RANBP2: variants seen among roughly 807,000 people sequenced by gnomAD.
RANBP2 encodes RAN binding protein 2, also known as E3 SUMO-protein ligase RanBP2.
Under a neutral mutation model 303.6 loss-of-function variants are expected in RANBP2, and 57 were observed. The ratio of observed to expected loss-of-function variants is 0.19; its 90% CI spans 0.15 to 0.23. RANBP2 has a LOEUF of 0.23. RANBP2 is among the 10% of genes least tolerant of loss of function. The pLI is 1.00. For synonymous variants in RANBP2, 1,167 were observed against 1,301.5 expected, an observed-to-expected ratio of 0.90 and a Z score of 2.23; for missense variants, 3,138 against 3,780.8, an observed-to-expected ratio of 0.83 and a Z score of 4.46.
chr2:109,140,144 C>T, the RANBP2 span, among the ~76,000 whole-genome samples: 2 of 152,162 alleles, frequency 1.3e-5, no homozygotes, highest in Admixed American at 1.3e-4. Context: ...CCTGCACCAT[C>T]ACTGTCACTT....
intron 25 of RANBP2, among the ~76,000 whole-genome samples, chr2:108,780,426 G>A (rs1678169333): frequency 6.7e-6 from 1 of 149,478 alleles, no homozygotes; most frequent in South Asian, 2.1e-4. Flanking sequence ...GTGCAGTGGG[G>A]CGGTATCTGA....
chr2:109,061,058 T>A, the RANBP2 span, among the ~76,000 whole-genome samples: 8 of 151,972 alleles, frequency 5.3e-5, no homozygotes, highest in East Asian at 1.6e-3. Context: ...GAAACCTATT[T>A]GTCCTCTGCT....
At chr2:109,283,202 G>A in the RANBP2 span, among the ~76,000 whole-genome samples, 2 of 152,266 alleles carry the variant, frequency 1.3e-5, no homozygotes, top group Non-Finnish European at 2.9e-5. Flanking sequence ...GCCTCTGTTC[G>A]CTCCCTCCAG....
the RANBP2 span, among the ~76,000 whole-genome samples, chr2:109,119,805 C>T: frequency 3.3e-5 from 5 of 152,134 alleles, no homozygotes; most frequent in African/African-American, 4.8e-5. Flanking sequence ...GAAATATTTT[C>T]GTCACAGTGC....
At chr2:109,379,020 C>CT in the RANBP2 span, among the ~76,000 whole-genome samples, 8 of 152,204 alleles carry the variant, frequency 5.3e-5, no homozygotes, top group Non-Finnish European at 1.2e-4. Context: ...ATCCAGAACT[C>CT]TGTCTTCTCA....
the RANBP2 span, among the ~76,000 whole-genome samples, chr2:109,143,928 G>A: frequency 6.6e-6 from 1 of 152,148 alleles, no homozygotes; most frequent in South Asian, 2.1e-4. Flanking sequence ...GACGTTATGC[G>A]AAGTGAAACA....
At chr2:108,787,370 C>A (rs367720334), downstream of RANBP2, among the ~76,000 whole-genome samples, 3 of 152,324 alleles carry the variant, frequency 2.0e-5, no homozygotes, top group South Asian at 6.2e-4. Context: ...CTCCCCTTCC[C>A]TCCCTACAAA....
the RANBP2 span, chr2:108,989,396 A>G: frequency 5.9e-5 from 9 of 152,620 alleles, no homozygotes; most frequent in Non-Finnish European, 1.2e-4. Flanking sequence ...TGGAATGCGT[A>G]AAAATCATGG....
the RANBP2 span, among the ~76,000 whole-genome samples, chr2:109,719,007 T>TAAAAAAAAAAAAAAAA: frequency 8.8e-5 from 2 of 22,606 alleles, no homozygotes; most frequent in Non-Finnish European, 2.7e-4. Context: ...AGACTCCATC[T>TAAAAAAAAAAAAAAAA]AAAAAAAAAA....
the RANBP2 span, among the ~76,000 whole-genome samples, chr2:109,335,014 C>T: frequency 6.6e-6 from 1 of 152,242 alleles, no homozygotes; most frequent in East Asian, 1.9e-4. Flanking sequence ...TATGTCACCG[C>T]GTTGGCGACT....
chr2:108,942,819 G>A, the RANBP2 span, among the ~76,000 whole-genome samples: 3 of 152,356 alleles, frequency 2.0e-5, no homozygotes, highest in East Asian at 1.9e-4. Context: ...AAACTCAACA[G>A]CAGCAACAAA....
chr2:109,313,367 CA>C, the RANBP2 span, among the ~76,000 whole-genome samples: 13 of 152,230 alleles, frequency 8.5e-5, no homozygotes, highest in Admixed American at 8.5e-4. Context: ...GCCTAATGCA[CA>C]GCCCGGGATG....
the RANBP2 span, among the ~76,000 whole-genome samples, chr2:109,685,625 T>A: frequency 6.6e-5 from 10 of 152,344 alleles, no homozygotes; most frequent in African/African-American, 2.4e-4. Context: ...CCTCCCCTGC[T>A]GGGCAGAGCA....
the RANBP2 span, among the ~76,000 whole-genome samples, chr2:109,685,976 GC>G: frequency 1.3e-5 from 2 of 152,198 alleles, no homozygotes; most frequent in Admixed American, 1.3e-4. Context: ...GTTTAAAAAT[GC>G]CTGGAAAATT....
chr2:109,216,392 G>C, the RANBP2 span, among the ~76,000 whole-genome samples: 17 of 152,336 alleles, frequency 1.1e-4, no homozygotes, highest in African/African-American at 3.8e-4. Flanking sequence ...ACCACCCTCT[G>C]TGTTAAAACG....
chr2:109,600,361 A>T, the RANBP2 span, among the ~76,000 whole-genome samples: 1 of 152,000 alleles, frequency 6.6e-6, no homozygotes, highest in Non-Finnish European at 1.5e-5. Context: ...CTCCTCCTAC[A>T]TGTCTGCTTG....
chr2:109,725,354 G>A, the RANBP2 span, among the ~76,000 whole-genome samples: 2 of 152,210 alleles, frequency 1.3e-5, no homozygotes, highest in Admixed American at 6.5e-5. Context: ...TGGAGGGGGT[G>A]GAAGAGAAGG....
the RANBP2 span, among the ~76,000 whole-genome samples, chr2:108,809,868 C>T: frequency 8.2e-3 from 1,245 of 152,206 alleles, 23 homozygotes; most frequent in African/African-American, 0.027. Context: ...TGCAGCAGCA[C>T]GATATCTGCT....
At chr2:109,104,127 A>T in the RANBP2 span, among the ~76,000 whole-genome samples, 1 of 152,090 alleles carries the variant, frequency 6.6e-6, no homozygotes, top group Admixed American at 6.5e-5. Flanking sequence ...TTCCCACAAG[A>T]GACAGCTTTG....
Sources: gnomAD v4.1 joint callset for allele counts (sites outside exome capture counted in the v4.1 genomes callset) on GRCh38, gnomAD v4.1.1 for gene constraint, MANE v1.5 for transcripts, NCBI Gene and HGNC (gene_info 2026-07-23, HGNC 2026-07-21) for gene names.